Variants in RNF135 observed in about 807,000 individuals in gnomAD.
The protein encoded by RNF135 is E3 ubiquitin-protein ligase RNF135.
RNF135 carries 46 observed loss-of-function variants against 41.9 expected under a neutral mutation model. The observed-to-expected ratio is 1.10, with a 90% CI of 0.87 to 1.40. RNF135 has a LOEUF of 1.40. RNF135 is among the 40% of genes most tolerant of loss of function. The pLI is 0.00. For synonymous variants in RNF135, 238 were observed against 223.8 expected, an observed-to-expected ratio of 1.06 and a Z score of -0.57; for missense variants, 539 against 549.8, an observed-to-expected ratio of 0.98 and a Z score of 0.20.
the RNF135 span, among the ~76,000 whole-genome samples, chr17:30,963,340 T>C: frequency 6.6e-6 from 1 of 151,906 alleles, no homozygotes; most frequent in Admixed American, 6.6e-5. Flanking sequence ...CCCAGCACTT[T>C]GGGAGGCTGA....
intron 4 of RNF135, 86 bp from the exon 5 acceptor site, chr17:30,998,576 A>G: frequency 7.7e-7 from 1 of 1,307,020 alleles, no homozygotes; most frequent in Non-Finnish European, 1.1e-6. Flanking sequence ...ACCAAAAGAT[A>G]CAAAGTTGCT....
upstream of RNF135, chr17:30,970,524 A>G (rs1905802354): frequency 1.3e-5 from 2 of 158,684 alleles, no homozygotes. Context: ...CAATGAAATC[A>G]GACTCCCTGC....
intron 3 of RNF135, among the ~76,000 whole-genome samples, chr17:30,990,928 A>G (rs564780021): frequency 5.9e-5 from 9 of 152,288 alleles, no homozygotes; most frequent in Admixed American, 5.9e-4. Flanking sequence ...ATTGTTTCCA[A>G]TTGTTTACAA....
At position 30,993,827 on chromosome 17, in the gene RNF135, T is replaced by A. The variant is rs773164650; in HGVS notation, c.680-3415T>A. ...GAATTAATTAATTAATTAATTTTTT[T>A]ATTTTGACACAGGTTCTCTGTTGCC... On this transcript the variant is annotated intron_variant, in intron 3 of 4. Transcript: ENST00000328381. 1.9e-4 allele frequency: 173 copies of A among 895,040 alleles called. 1 individual carries two copies. In the African/African-American group the frequency reaches 2.3e-3, roughly 12 times the overall value. 55.4% of individuals were successfully genotyped at this position (895,040 alleles called of 1,614,324 possible).
At chr17:30,983,633 C>G (rs1907382153) in intron 1 of RNF135, among the ~76,000 whole-genome samples, 1 of 151,776 alleles carries the variant, frequency 6.6e-6, no homozygotes, top group Admixed American at 6.6e-5. Context: ...GGATTACAGC[C>G]ATGAGCTATT....
chr17:30,990,019 T>C (rs1484660966), intron 3 of RNF135, among the ~76,000 whole-genome samples: 1 of 150,820 alleles, frequency 6.6e-6, no homozygotes. Context: ...TCATTTCTTA[T>C]GTAAGTGGAG....
the RNF135 span, chr17:30,965,267 G>A: frequency 2.0e-5 from 3 of 151,900 alleles, no homozygotes; most frequent in African/African-American, 4.8e-5. Context: ...CTTGAGCCTG[G>A]GAGCTCCAGG....
At chr17:30,968,944 A>G (rs978637844), upstream of RNF135, 3 of 152,072 alleles carry the variant, frequency 2.0e-5, no homozygotes, top group African/African-American at 4.8e-5. Flanking sequence ...ACAGCTAACC[A>G]CAGTCTTGAC....
chr17:30,979,904 A>G (rs1198245655), intron 1 of RNF135, among the ~76,000 whole-genome samples: 1 of 100,044 alleles, frequency 1.0e-5, no homozygotes. Flanking sequence ...GGCCGGGCAG[A>G]GGGGCTCCTC....
chr17:30,979,988 G>C (rs1906927807), intron 1 of RNF135, among the ~76,000 whole-genome samples: 1 of 106,090 alleles, frequency 9.4e-6, no homozygotes, highest in Non-Finnish European at 1.9e-5. Flanking sequence ...GCGGGGGGCT[G>C]ATCCTCCCAC....
chr17:30,997,685 G>C (rs1292513471), intron 4 of RNF135, among the ~76,000 whole-genome samples: 2 of 152,098 alleles, frequency 1.3e-5, no homozygotes, highest in Non-Finnish European at 2.9e-5. Flanking sequence ...TCTCAGTCTG[G>C]GATAGTCCTT....
the RNF135 span, among the ~76,000 whole-genome samples, chr17:30,962,164 C>A: frequency 2.6e-5 from 4 of 151,230 alleles, no homozygotes; most frequent in Non-Finnish European, 5.9e-5. Flanking sequence ...GATGGAGTCT[C>A]TCTGTGTCGC....
the RNF135 span, among the ~76,000 whole-genome samples, chr17:30,961,148 A>C: frequency 1.1e-3 from 170 of 152,338 alleles, 2 homozygotes; most frequent in Middle Eastern, 0.024. Flanking sequence ...GTATTCCACT[A>C]TATGGCTATA....
At position 30,988,032 on chromosome 17, in the gene RNF135, A is replaced by G. The variant is rs763613944; in HGVS notation, c.605A>G (p.His202Arg). The change falls in exon 3 of 5, where the codon CAT becomes CGT. Residue 202 changes from histidine (H) to arginine (R), a missense_variant. His to Arg is a conservative substitution (Grantham distance 29). Coordinates refer to ENST00000328381, the MANE Select transcript of RNF135 (RefSeq NM_032322.4). ...GCAGGGAAAATCAGAGATATTCTCCATGACCTAGAAGAAATTCAGGAAAAA... is the reference window on the plus strand; with the variant it reads ...GCAGGGAAAATCAGAGATATTCTCCGTGACCTAGAAGAAATTCAGGAAAAA... ...TAAGKIRDIL[H>R]DLEEIQEKLQ... 9.5e-5 allele frequency: 153 copies of G among 1,614,068 alleles called. No homozygotes were observed. The highest frequency in any genetic ancestry group is 2.7e-5 in the African/African-American group (2 of 74,942).
chr17:30,974,753 C>T (rs1906289271), intron 1 of RNF135, among the ~76,000 whole-genome samples: 1 of 151,802 alleles, frequency 6.6e-6, no homozygotes, highest in Non-Finnish European at 1.5e-5. Context: ...GATCTTGGCT[C>T]ACTGCAACCT....
chr17:30,971,161 TG>T lies in RNF135; in HGVS notation c.90del (p.Trp30CysfsTer98). 6.5e-7 allele frequency: 1 copy of T among 1,531,848 alleles called. No individual in the cohort carries two copies. Among genetic ancestry groups the T allele is most frequent in the Non-Finnish European group, 8.7e-7 (1 of 1,145,136 alleles). The allele number at this position is 1,531,848 out of a possible 1,614,324, so 94.9% of individuals were successfully genotyped here. On this transcript the variant is annotated frameshift_variant, in exon 1 of 5. Transcript: ENST00000328381. LOFTEE classifies it high-confidence loss of function. ...GCIICQGLLD[W>X]PATLPCGHSF... ...CATCATCTGCCAGGGGCTGCTGGACTGGCCCGCCACGCTGCCCTGCGGCCAC... is the reference window on the plus strand; with the variant it reads ...CATCATCTGCCAGGGGCTGCTGGACTGCCCGCCACGCTGCCCTGCGGCCAC...
At chr17:30,987,835 G>T in intron 2 of RNF135, 109 bp from the exon 3 acceptor site, 2 of 1,139,012 alleles carry the variant, frequency 1.8e-6, no homozygotes, top group East Asian at 2.5e-5. Flanking sequence ...TTAAAAACTT[G>T]CTGGGAATTA....
intron 3 of RNF135, among the ~76,000 whole-genome samples, chr17:30,994,502 A>C (rs561962675): frequency 1.3e-5 from 2 of 152,132 alleles, no homozygotes; most frequent in Non-Finnish European, 2.9e-5. Flanking sequence ...GTGAGCCGAA[A>C]TCAGGCCACT....
intron 1 of RNF135, 50 bp from the exon 2 acceptor site, chr17:30,984,567 C>T (rs1427120618): frequency 6.2e-7 from 1 of 1,608,066 alleles, no homozygotes; most frequent in Non-Finnish European, 8.5e-7. Flanking sequence ...AGTGGTGGTT[C>T]CTGGGTCCAG....
Sources: gnomAD v4.1 joint callset for allele counts (sites outside exome capture counted in the v4.1 genomes callset) on GRCh38, gnomAD v4.1.1 for gene constraint, MANE v1.5 for transcripts, NCBI Gene and HGNC (gene_info 2026-07-23, HGNC 2026-07-21) for gene names.